GALNT13: variants seen among roughly 807,000 people sequenced by gnomAD.
GALNT13 encodes polypeptide N-acetylgalactosaminyltransferase 13.
Under a neutral mutation model 64.2 loss-of-function variants are expected in GALNT13, and 28 were observed. The ratio of observed to expected loss-of-function variants is 0.44; its 90% confidence interval spans 0.32 to 0.60. GALNT13 has a LOEUF of 0.60. Ranked by LOEUF, GALNT13 falls within the 20% of genes least tolerant of loss-of-function variation. The probability of loss-of-function intolerance (pLI) is 0.05; values close to 1 mark genes in which losing one functional copy is unlikely to be tolerated. For missense variants in GALNT13, 577 were observed against 669.8 expected, an observed-to-expected ratio of 0.86 and a Z score of 1.53; for synonymous variants, 214 against 224.6, an observed-to-expected ratio of 0.95 and a Z score of 0.42.
the GALNT13 span, among the ~76,000 whole-genome samples, chr2:153,181,353 C>A: frequency 1.4e-5 from 2 of 145,282 alleles, no homozygotes; most frequent in South Asian, 2.1e-4. Flanking sequence ...CATACCATTA[C>A]TGTCAAAAAA....
At chr2:153,967,429 ACTG>A (rs1693446414) in intron 3 of GALNT13, among the ~76,000 whole-genome samples, 1 of 152,126 alleles carries the variant, frequency 6.6e-6, no homozygotes. Context: ...GCTTGTCGTC[ACTG>A]CAGCTCTTTC....
chr2:153,778,239 T>C, the GALNT13 span, among the ~76,000 whole-genome samples: 1 of 152,200 alleles, frequency 6.6e-6, no homozygotes, highest in East Asian at 1.9e-4. Flanking sequence ...GCCACCTATG[T>C]GTCTGCCTGC....
chr2:153,923,153 G>A (rs77469608), intron 2 of GALNT13, among the ~76,000 whole-genome samples: 8,447 of 152,134 alleles, frequency 0.056, 346 homozygotes, highest in South Asian at 0.13. Context: ...TCCCACGTCG[G>A]CCTCCCAAAG....
chr2:153,573,665 T>C, the GALNT13 span, among the ~76,000 whole-genome samples: 2 of 152,094 alleles, frequency 1.3e-5, no homozygotes, highest in African/African-American at 4.8e-5. Context: ...CACATTATTT[T>C]AACCTTGTGA....
At chr2:154,132,321 T>C (rs542800269) in intron 3 of GALNT13, among the ~76,000 whole-genome samples, 2 of 128,596 alleles carry the variant, frequency 1.6e-5, no homozygotes, top group Non-Finnish European at 3.2e-5. Context: ...ATTGCTGATA[T>C]ATGCATATAC....
At chr2:153,524,873 C>A in the GALNT13 span, among the ~76,000 whole-genome samples, 2 of 152,138 alleles carry the variant, frequency 1.3e-5, no homozygotes, top group Non-Finnish European at 2.9e-5. Context: ...TCTAGAGTCA[C>A]AGGACTGGGG....
chr2:153,478,315 G>A, the GALNT13 span: 1 of 1,614,006 alleles, frequency 6.2e-7, no homozygotes, highest in East Asian at 2.2e-5. Flanking sequence ...CATGCCCTCG[G>A]ACTTGATGAG....
the GALNT13 span, among the ~76,000 whole-genome samples, chr2:153,352,692 G>A: frequency 6.6e-6 from 1 of 152,012 alleles, no homozygotes; most frequent in Non-Finnish European, 1.5e-5. Context: ...CGTTGTTCCA[G>A]CACCATTTGT....
intron 3 of GALNT13, among the ~76,000 whole-genome samples, chr2:154,103,303 T>C (rs1702444698): frequency 6.6e-6 from 1 of 152,194 alleles, no homozygotes; most frequent in Non-Finnish European, 1.5e-5. Flanking sequence ...CTTTGAACTG[T>C]ATTTTGAAAT....
intron 9 of GALNT13, among the ~76,000 whole-genome samples, chr2:154,332,099 G>T (rs1695196961): frequency 6.6e-6 from 1 of 152,044 alleles, no homozygotes; most frequent in Non-Finnish European, 1.5e-5. Flanking sequence ...CTCATACATG[G>T]ATAGCAATCC....
chr2:154,311,463 G>A (rs563872170), intron 9 of GALNT13, among the ~76,000 whole-genome samples: 1 of 152,198 alleles, frequency 6.6e-6, no homozygotes, highest in South Asian at 2.1e-4. Context: ...GGGAGTATAC[G>A]AATAGGTGTG....
chr2:154,293,095 A>G (rs1382640530), intron 8 of GALNT13, among the ~76,000 whole-genome samples: 2 of 152,220 alleles, frequency 1.3e-5, no homozygotes, highest in Non-Finnish European at 2.9e-5. Context: ...TATATTGTAT[A>G]CATGGTCAAA....
At chr2:153,831,083 T>C in the GALNT13 span, among the ~76,000 whole-genome samples, 1 of 152,220 alleles carries the variant, frequency 6.6e-6, no homozygotes, top group African/African-American at 2.4e-5. Flanking sequence ...ACTTACTTAA[T>C]TAATTTACAA....
the GALNT13 span, among the ~76,000 whole-genome samples, chr2:153,393,126 T>G: frequency 6.6e-6 from 1 of 152,072 alleles, no homozygotes; most frequent in East Asian, 1.9e-4. Context: ...ATCTGGGTAA[T>G]CATAAAGTTC....
At chr2:154,456,191 T>TTCGTTG, downstream of GALNT13, among the ~76,000 whole-genome samples, 1 of 146,346 alleles carries the variant, frequency 6.8e-6, no homozygotes, top group East Asian at 2.0e-4. Flanking sequence ...TTTGTTTTGT[T>TTCGTTG]TTGTTGTTGT....
intron 8 of GALNT13, among the ~76,000 whole-genome samples, chr2:154,288,610 G>T (rs1465817909): frequency 6.6e-6 from 1 of 152,192 alleles, no homozygotes; most frequent in Non-Finnish European, 1.5e-5. Flanking sequence ...CCAAATAGGA[G>T]AAATTGGCCC....
the GALNT13 span, among the ~76,000 whole-genome samples, chr2:153,522,492 C>T: frequency 6.6e-6 from 1 of 152,090 alleles, no homozygotes; most frequent in Non-Finnish European, 1.5e-5. Context: ...GCATTCTTAC[C>T]TGCACTGAAT....
At chr2:153,473,033 G>A in the GALNT13 span, among the ~76,000 whole-genome samples, 2 of 152,128 alleles carry the variant, frequency 1.3e-5, no homozygotes, top group South Asian at 2.1e-4. Context: ...AGGGCTTGTC[G>A]GCGGGTGGGG....
intron 1 of GALNT13, among the ~76,000 whole-genome samples, chr2:153,899,427 C>T (rs1027026419): frequency 1.3e-5 from 2 of 152,060 alleles, no homozygotes; most frequent in African/African-American, 4.8e-5. Flanking sequence ...GAATATATAT[C>T]TTTTATTATG....
Sources: gnomAD v4.1 joint callset for allele counts (sites outside exome capture counted in the v4.1 genomes callset) on GRCh38, gnomAD v4.1.1 for gene constraint, MANE v1.5 for transcripts, NCBI Gene and HGNC (gene_info 2026-07-23, HGNC 2026-07-21) for gene names.